RELN: variants seen among roughly 807,000 people sequenced by gnomAD.
RELN encodes the protein reelin.
A neutral mutation model predicts 427.6 loss-of-function variants in RELN; 108 were observed. The ratio of observed to expected loss-of-function variants is 0.25; its 90% CI spans 0.22 to 0.30. The LOEUF (loss-of-function observed/expected upper bound fraction) is 0.30. Ranked by LOEUF, RELN falls within the 10% of genes least tolerant of loss-of-function variation. The pLI, the probability that RELN is intolerant of heterozygous loss-of-function variation, is 1.00. For synonymous variants in RELN, 1,524 were observed against 1,513.4 expected (o/e 1.01, Z -0.16); for missense variants, 3,715 against 4,302.8 (o/e 0.86, Z 3.82).
At chr7:103,803,656 G>A (rs973181087) in intron 3 of RELN, among the ~76,000 whole-genome samples, 6 of 152,070 alleles carry the variant, frequency 3.9e-5, no homozygotes, top group African/African-American at 1.4e-4. Context: ...TATATACTCA[G>A]CTTCTAAGGG....
chr7:103,816,276 G>T (rs1792867500), intron 3 of RELN, among the ~76,000 whole-genome samples: 1 of 152,152 alleles, frequency 6.6e-6, no homozygotes, highest in South Asian at 2.1e-4. Flanking sequence ...CTACTCAGGA[G>T]GCTGGAGCAG....
chr7:103,920,593 T>TTGA (rs57282777), intron 1 of RELN, among the ~76,000 whole-genome samples: 1,533 of 129,294 alleles, frequency 0.012, 22 homozygotes, highest in Non-Finnish European at 0.014. Context: ...TTTTTTTTTT[T>TTGA]GAGAGAGTCT....
At chr7:103,836,250 G>A (rs545528604) in intron 2 of RELN, among the ~76,000 whole-genome samples, 34 of 152,122 alleles carry the variant, frequency 2.2e-4, no homozygotes, top group Admixed American at 5.9e-4. Flanking sequence ...GTCAGCCACC[G>A]CACCCGGCCT....
In RELN at chr7:103,988,313, C is replaced by A. The variant is rs1027113657; in HGVS notation, c.226+818G>T. On this transcript the variant is annotated intron_variant, in intron 1 of 64. Coordinates refer to ENST00000428762, the MANE Select transcript of RELN (RefSeq NM_005045.4). This position sits in a 1 kb window ranked among gnomAD's most constrained non-coding sequence, Gnocchi z 4.9. ...TATTTCTTGGAGCTAAATTTTATTT[C>A]TTCTGTAATGTTTATTTTTGATGCA... 3.3e-5 allele frequency among the ~76,000 whole-genome samples: 5 copies of A among 152,124 alleles called. No individual in the cohort carries two copies. The highest frequency in any genetic ancestry group is 4.8e-5 in the African/African-American group (2 of 41,430).
intron 27 of RELN, among the ~76,000 whole-genome samples, chr7:103,592,317 C>T (rs1831435502): frequency 6.6e-6 from 1 of 152,074 alleles, no homozygotes; most frequent in East Asian, 1.9e-4. Flanking sequence ...TATTAGTTTG[C>T]CTAGGATAAT....
chr7:103,472,465 T>C lies in RELN; in HGVS notation c.*347A>G. ...TTGTGACCAAGAATGTTAAATACTGTGCTAAATGCCATTTTAAACATAAAA... is the reference window on the plus strand; with the variant it reads ...TTGTGACCAAGAATGTTAAATACTGCGCTAAATGCCATTTTAAACATAAAA... On this transcript the variant is annotated 3_prime_UTR_variant, in exon 65 of 65. Coordinates refer to ENST00000428762, the MANE Select transcript of RELN (RefSeq NM_005045.4). 4 of 332,030 alleles carry C rather than the reference T, an allele frequency of 1.2e-5. No homozygotes were observed. The highest frequency in any genetic ancestry group is 1.1e-4 in the South Asian group (4 of 37,134). The allele number at this position is 332,030 out of a possible 1,614,324, so 20.6% of individuals were successfully genotyped here. A position where few individuals can be genotyped will look rare whatever the true frequency, so the allele number is the denominator to read the frequency against.
At chr7:103,531,145 T>C (rs924187362) in intron 46 of RELN, among the ~76,000 whole-genome samples, 2 of 152,204 alleles carry the variant, frequency 1.3e-5, no homozygotes, top group Non-Finnish European at 2.9e-5. Context: ...ATCTTGACAA[T>C]GTTCTCAACA....
intron 22 of RELN, among the ~76,000 whole-genome samples, chr7:103,605,702 C>A (rs362682): frequency 0.14 from 21,990 of 152,160 alleles, 1,770 homozygotes; most frequent in African/African-American, 0.21. Flanking sequence ...TATACAGATA[C>A]CCTTGATCTT....
intron 19 of RELN, among the ~76,000 whole-genome samples, 177 bp from the exon 20 acceptor site, chr7:103,630,353 C>T (rs1178151712): frequency 6.6e-6 from 1 of 152,136 alleles, no homozygotes; most frequent in African/African-American, 2.4e-5. Context: ...CTTCCACACA[C>T]ACCCCAAAAT....
intron 10 of RELN, among the ~76,000 whole-genome samples, chr7:103,689,089 A>G (rs1408133363): frequency 6.6e-6 from 1 of 152,136 alleles, no homozygotes; most frequent in Non-Finnish European, 1.5e-5. Flanking sequence ...TTTTTTAAAA[A>G]ATAAAATGTC....
At chr7:103,522,829 A>C (rs886221418) in intron 47 of RELN, among the ~76,000 whole-genome samples, 3 of 71,756 alleles carry the variant, frequency 4.2e-5, no homozygotes, top group African/African-American at 9.9e-5. Context: ...AATCTCACAC[A>C]GACACACAGA....
intron 57 of RELN, 142 bp from the exon 58 acceptor site, chr7:103,492,168 G>C (rs1187732260): frequency 5.6e-6 from 4 of 708,748 alleles, no homozygotes; most frequent in East Asian, 5.4e-5. Context: ...GGGATACCAA[G>C]AATACATTCT....
Position 103,840,024 on chromosome 7 carries a change from G to A in RELN, c.338-6352C>T, listed in dbSNP as rs141365250. Among the ~76,000 whole-genome samples, 22 of 152,128 alleles carry A rather than the reference G, an allele frequency of 1.4e-4. 1 individual carries two copies. The highest frequency in any genetic ancestry group is 3.4e-3 in the Middle Eastern group (1 of 294). On this transcript the variant is annotated intron_variant, in intron 2 of 64. Transcript: ENST00000428762. ...GTAACACTTCTCTTTCTCTCTCTCC[G>A]GCCATATGAAAACATACTTGCTTCC...
At chr7:103,750,048 T>G (rs562444) in intron 5 of RELN, among the ~76,000 whole-genome samples, 1 of 151,890 alleles carries the variant, frequency 6.6e-6, no homozygotes, top group African/African-American at 2.4e-5. Flanking sequence ...GGCATGATCT[T>G]GGCTCACTGC....
chr7:103,481,673 C>A (rs1256336226), intron 63 of RELN, among the ~76,000 whole-genome samples: 1 of 152,088 alleles, frequency 6.6e-6, no homozygotes, highest in East Asian at 1.9e-4. Context: ...GGCAAGTAGC[C>A]AGGGTAAAAT....
At chr7:103,586,197 A>G (rs1831266380) in intron 28 of RELN, among the ~76,000 whole-genome samples, 1 of 151,938 alleles carries the variant, frequency 6.6e-6, no homozygotes, top group South Asian at 2.1e-4. Context: ...TCCCGTTTCT[A>G]CTAAAAAATA....
intron 23 of RELN, among the ~76,000 whole-genome samples, chr7:103,604,125 T>A (rs1275398315): frequency 6.6e-6 from 1 of 152,196 alleles, no homozygotes; most frequent in Non-Finnish European, 1.5e-5. Context: ...AGGCCTTGTC[T>A]TGAGGTTAGA....
intron 3 of RELN, among the ~76,000 whole-genome samples, chr7:103,814,360 T>G (rs918214499): frequency 1.3e-5 from 2 of 152,180 alleles, no homozygotes; most frequent in East Asian, 3.8e-4. Flanking sequence ...TTTGTTCTGA[T>G]TTGGAAGTTT....
At chr7:103,679,380 A>T (rs1833607135) in intron 11 of RELN, among the ~76,000 whole-genome samples, 1 of 152,226 alleles carries the variant, frequency 6.6e-6, no homozygotes, top group Non-Finnish European at 1.5e-5. Flanking sequence ...TGTGATTGCT[A>T]GAAGAATTAC....
Sources: allele counts gnomAD v4.1 joint callset (sites outside exome capture counted in the v4.1 genomes callset), GRCh38; gene constraint gnomAD v4.1.1; non-coding constraint Gnocchi (gnomAD v3.1); transcripts MANE v1.5; gene names NCBI Gene and HGNC (gene_info 2026-07-23, HGNC 2026-07-21).